The following PLCL1 variants were observed in gnomAD, a reference collection of about 807,000 sequenced individuals.
PLCL1 encodes the protein inactive phospholipase C-like protein 1.
Under a neutral mutation model 84.4 loss-of-function variants are expected in PLCL1, and 41 were observed. That is an observed-to-expected ratio of 0.49 (90% CI 0.38 to 0.63). The LOEUF is 0.63. Ranked by LOEUF, PLCL1 falls within the 30% of genes least tolerant of loss-of-function variation. The pLI, the probability that PLCL1 is intolerant of heterozygous loss-of-function variation, is 0.00. For synonymous variants in PLCL1, 490 were observed against 488.3 expected, an observed-to-expected ratio of 1.00 and a Z score of -0.05; for missense variants, 1,206 against 1,367.8, an observed-to-expected ratio of 0.88 and a Z score of 1.87.
intron 1 of PLCL1, among the ~76,000 whole-genome samples, chr2:198,050,495 G>A (rs1691901519): frequency 6.6e-6 from 1 of 151,586 alleles, no homozygotes; most frequent in African/African-American, 2.4e-5. Context: ...AAATGGAGAT[G>A]TAGTAAAGAT....
At chr2:198,080,779 C>T (rs1692692504) in intron 1 of PLCL1, among the ~76,000 whole-genome samples, 1 of 152,122 alleles carries the variant, frequency 6.6e-6, no homozygotes, top group Admixed American at 6.6e-5. Context: ...GGATTCTGTC[C>T]TTTGTAAAAT....
At chr2:197,875,606 A>G (rs923082418) in intron 1 of PLCL1, among the ~76,000 whole-genome samples, 5 of 152,112 alleles carry the variant, frequency 3.3e-5, no homozygotes, top group Admixed American at 6.5e-5. Context: ...AATAATTACT[A>G]CAGAAGTCAT....
intron 1 of PLCL1, among the ~76,000 whole-genome samples, chr2:197,869,663 T>C (rs1000414586): frequency 1.2e-4 from 18 of 152,292 alleles, no homozygotes; most frequent in Middle Eastern, 3.4e-3. Flanking sequence ...AAGTAATTTC[T>C]TTGCTGAGCC....
At chr2:197,817,653 A>C (rs1690718342) in intron 1 of PLCL1, among the ~76,000 whole-genome samples, 2 of 152,116 alleles carry the variant, frequency 1.3e-5, no homozygotes, top group African/African-American at 4.8e-5. Flanking sequence ...CATCGTCATC[A>C]AAGTAAGAAC....
intron 1 of PLCL1, among the ~76,000 whole-genome samples, chr2:197,861,403 A>G (rs1687432106): frequency 6.6e-6 from 1 of 152,158 alleles, no homozygotes; most frequent in African/African-American, 2.4e-5. Flanking sequence ...TGCCCTATCC[A>G]TCTCTTATCT....
chr2:197,828,937 T>C (rs1204456457), intron 1 of PLCL1, among the ~76,000 whole-genome samples: 1 of 152,182 alleles, frequency 6.6e-6, no homozygotes, highest in East Asian at 1.9e-4. Context: ...ACATGCCATA[T>C]AGCACAAAGC....
At chr2:197,873,942 T>C (rs1210013879) in intron 1 of PLCL1, among the ~76,000 whole-genome samples, 2 of 152,222 alleles carry the variant, frequency 1.3e-5, no homozygotes, top group Non-Finnish European at 2.9e-5. Flanking sequence ...TGTTCACTGA[T>C]AGCTTTTCTT....
At chr2:197,942,247 C>A (rs1689172606) in intron 1 of PLCL1, among the ~76,000 whole-genome samples, 1 of 152,110 alleles carries the variant, frequency 6.6e-6, no homozygotes, top group South Asian at 2.1e-4. Flanking sequence ...TCAATCAGTC[C>A]ATTTCCATCT....
chr2:198,009,269 C>T (rs1690808884), intron 1 of PLCL1, among the ~76,000 whole-genome samples: 1 of 151,892 alleles, frequency 6.6e-6, no homozygotes, highest in Non-Finnish European at 1.5e-5. Context: ...AATTCAAAGT[C>T]CTGAGGCTTT....
At chr2:197,902,624 C>T (rs1052084207) in intron 1 of PLCL1, among the ~76,000 whole-genome samples, 5 of 152,188 alleles carry the variant, frequency 3.3e-5, no homozygotes, top group African/African-American at 9.7e-5. Flanking sequence ...AGTGAACATA[C>T]TGGTATGAAG....
intron 5 of PLCL1, among the ~76,000 whole-genome samples, chr2:198,106,899 C>T (rs2859982): frequency 0.92 from 139,424 of 151,826 alleles, 64,081 homozygotes; most frequent in East Asian, 1. Context: ...AGCTAGTAAA[C>T]AGCCAGCCTG....
chr2:197,849,634 A>G (rs533648381), intron 1 of PLCL1, among the ~76,000 whole-genome samples: 2 of 152,036 alleles, frequency 1.3e-5, no homozygotes, highest in East Asian at 1.9e-4. Context: ...AGAAATGTAA[A>G]AGGAGAATGG....
intron 1 of PLCL1, among the ~76,000 whole-genome samples, chr2:197,986,739 A>C (rs1368671703): frequency 6.6e-6 from 1 of 152,210 alleles, no homozygotes; most frequent in Non-Finnish European, 1.5e-5. Flanking sequence ...CATAATAAGT[A>C]ATATTCTACC....
intron 5 of PLCL1, 34 bp from the exon 6 acceptor site, chr2:198,146,746 G>C: frequency 6.3e-7 from 1 of 1,585,110 alleles, no homozygotes. Flanking sequence ...GCCCATAACT[G>C]TCTTCTTTGA....
intron 1 of PLCL1, among the ~76,000 whole-genome samples, chr2:197,829,725 T>C (rs1179618464): frequency 6.6e-6 from 1 of 152,214 alleles, no homozygotes; most frequent in Non-Finnish European, 1.5e-5. Context: ...GAAGCAGCCA[T>C]AGTTTGGAGT....
At chr2:197,992,952 A>C (rs1217673638) in intron 1 of PLCL1, among the ~76,000 whole-genome samples, 1 of 152,174 alleles carries the variant, frequency 6.6e-6, no homozygotes, top group African/African-American at 2.4e-5. Context: ...AGCTGTTACT[A>C]ATAATGCTTC....
rs1296302839 is a variant in PLCL1, at chr2:197,966,046, T to A, written c.241-117712T>A. On this transcript the variant is annotated intron_variant, in intron 1 of 5. Transcript: ENST00000428675. ...TTCAAGGAAGGGTTTTTCTTCTGGC[T>A]CAGGGTGTGTCTAGAAATGTCATCT... 2.6e-5 allele frequency among the ~76,000 whole-genome samples: 4 copies of A among 152,040 alleles called. No homozygotes were observed. In the East Asian group the frequency reaches 7.7e-4, roughly 29 times the overall value.
At chr2:197,841,453 TG>T (rs2105669359) in intron 1 of PLCL1, among the ~76,000 whole-genome samples, 1 of 152,352 alleles carries the variant, frequency 6.6e-6, no homozygotes, top group Admixed American at 6.5e-5. Context: ...GTCATATAGT[TG>T]GACTCAACTA....
chr2:197,807,243 A>G (rs1690504417), intron 1 of PLCL1, among the ~76,000 whole-genome samples: 1 of 152,228 alleles, frequency 6.6e-6, no homozygotes, highest in African/African-American at 2.4e-5. Flanking sequence ...CCACCCTCAT[A>G]GATGTTAACA....
Sources: gnomAD v4.1 joint callset for allele counts (sites outside exome capture counted in the v4.1 genomes callset) on GRCh38, gnomAD v4.1.1 for gene constraint, MANE v1.5 for transcripts, NCBI Gene and HGNC (gene_info 2026-07-23, HGNC 2026-07-21) for gene names.